Variants in CSTPP1 observed in about 807,000 individuals in gnomAD.
CSTPP1 encodes the protein centriolar satellite-associated tubulin polyglutamylase complex regulator 1, also known as UPF0705 protein C11orf49.
the CSTPP1 span, among the ~76,000 whole-genome samples, chr11:46,986,260 G>A: frequency 1.3e-5 from 2 of 152,006 alleles, no homozygotes; most frequent in South Asian, 4.2e-4. Context: ...TTTATTATAC[G>A]CCCATGATTA....
the CSTPP1 span, among the ~76,000 whole-genome samples, chr11:47,116,675 GTT>G: frequency 4.3e-4 from 36 of 83,932 alleles, no homozygotes; most frequent in Admixed American, 1.6e-3. Flanking sequence ...TGCTTGGTAG[GTT>G]TTTTTTTTTT....
the CSTPP1 span, among the ~76,000 whole-genome samples, chr11:47,108,818 T>C: frequency 6.6e-6 from 1 of 151,786 alleles, no homozygotes; most frequent in East Asian, 1.9e-4. Flanking sequence ...GCGATTCTCT[T>C]ACCTCAGCCT....
the CSTPP1 span, chr11:47,103,841 A>AT: frequency 2.9e-4 from 43 of 149,394 alleles, no homozygotes; most frequent in African/African-American, 9.1e-4. Flanking sequence ...CGCCCTGCTA[A>AT]TTTTTTTTTT....
the CSTPP1 span, among the ~76,000 whole-genome samples, chr11:47,132,852 G>C: frequency 1.3e-5 from 2 of 152,134 alleles, no homozygotes; most frequent in African/African-American, 4.8e-5. Flanking sequence ...CCTGTGCTAG[G>C]CCTAGGTCTG....
At chr11:47,111,755 A>T in the CSTPP1 span, among the ~76,000 whole-genome samples, 2 of 152,178 alleles carry the variant, frequency 1.3e-5, no homozygotes, top group African/African-American at 4.8e-5. Context: ...AAGTACATAA[A>T]TGGTGCTACA....
At chr11:47,101,623 C>T in the CSTPP1 span, among the ~76,000 whole-genome samples, 1 of 151,954 alleles carries the variant, frequency 6.6e-6, no homozygotes, top group Non-Finnish European at 1.5e-5. Flanking sequence ...ACTTGCATAC[C>T]TCCTATACAG....
the CSTPP1 span, among the ~76,000 whole-genome samples, chr11:46,998,326 G>T: frequency 1.3e-5 from 2 of 152,200 alleles, no homozygotes; most frequent in East Asian, 1.9e-4. Context: ...CAACAGTAAG[G>T]CTGACTGTAG....
At chr11:47,160,463 G>C in the CSTPP1 span, 1 of 152,386 alleles carries the variant, frequency 6.6e-6, no homozygotes, top group Non-Finnish European at 1.5e-5. Context: ...TGGTTGACGC[G>C]TCACGGAGGT....
chr11:46,963,561 A>G, the CSTPP1 span, among the ~76,000 whole-genome samples: 377 of 152,170 alleles, frequency 2.5e-3, 1 homozygote, highest in Middle Eastern at 6.8e-3. Flanking sequence ...GGATGGGCAG[A>G]CCATATGAGG....
At chr11:47,003,489 G>C in the CSTPP1 span, among the ~76,000 whole-genome samples, 1 of 152,194 alleles carries the variant, frequency 6.6e-6, no homozygotes, top group African/African-American at 2.4e-5. Context: ...ATGTTTGTCT[G>C]TCTCTCAGCT....
the CSTPP1 span, among the ~76,000 whole-genome samples, chr11:46,998,047 C>A: frequency 6.6e-6 from 1 of 152,172 alleles, no homozygotes; most frequent in East Asian, 1.9e-4. Context: ...ATTCTCAGAT[C>A]TCAAACTCCG....
the CSTPP1 span, among the ~76,000 whole-genome samples, chr11:46,964,510 C>T: frequency 2.0e-5 from 3 of 152,160 alleles, no homozygotes; most frequent in South Asian, 4.1e-4. Context: ...TGGTCTTGAT[C>T]TCCTGACCTC....
the CSTPP1 span, among the ~76,000 whole-genome samples, chr11:46,980,169 C>T: frequency 6.6e-6 from 1 of 152,146 alleles, no homozygotes; most frequent in African/African-American, 2.4e-5. Context: ...TGTCAAGGCA[C>T]TCAGCTTTTC....
the CSTPP1 span, among the ~76,000 whole-genome samples, chr11:46,994,191 G>GT: frequency 6.6e-6 from 1 of 152,122 alleles, no homozygotes; most frequent in Non-Finnish European, 1.5e-5. Flanking sequence ...AGATGATGGG[G>GT]TTTTCTAAAT....
chr11:47,143,203 C>T, the CSTPP1 span, among the ~76,000 whole-genome samples: 2 of 152,206 alleles, frequency 1.3e-5, no homozygotes, highest in Non-Finnish European at 2.9e-5. Context: ...GAAAGCATCC[C>T]CTGATTTTGT....
chr11:46,997,292 C>A, the CSTPP1 span, among the ~76,000 whole-genome samples: 14 of 152,176 alleles, frequency 9.2e-5, no homozygotes, highest in African/African-American at 3.4e-4. Flanking sequence ...CTTCTTGCTT[C>A]ATTTCATTCA....
the CSTPP1 span, among the ~76,000 whole-genome samples, chr11:47,015,553 C>T: frequency 0.078 from 11,895 of 152,026 alleles, 485 homozygotes; most frequent in Non-Finnish European, 0.089. Context: ...CAGGTGGCTT[C>T]ACTGGTGAAT....
the CSTPP1 span, among the ~76,000 whole-genome samples, chr11:46,960,789 T>G: frequency 6.6e-6 from 1 of 152,058 alleles, no homozygotes; most frequent in African/African-American, 2.4e-5. Context: ...TAGGCAGAGG[T>G]TGCAGTGAGC....
the CSTPP1 span, among the ~76,000 whole-genome samples, chr11:47,022,035 GT>G: frequency 3.0e-3 from 412 of 139,138 alleles, 1 homozygote; most frequent in Admixed American, 4.7e-3. Flanking sequence ...CACATATATG[GT>G]TTTTTTTTTT....
Sources: gnomAD v4.1 joint callset for allele counts (sites outside exome capture counted in the v4.1 genomes callset) on GRCh38, gnomAD v4.1.1 for gene constraint, MANE v1.5 for transcripts, NCBI Gene and HGNC (gene_info 2026-07-23, HGNC 2026-07-21) for gene names.